The following ADCY8 variants were observed in gnomAD, a reference collection of about 807,000 sequenced individuals.
ADCY8 encodes adenylate cyclase 8.
ADCY8 carries 51 observed loss-of-function variants against 119.7 expected under a neutral mutation model. The observed-to-expected ratio is 0.43, with a 90% CI of 0.34 to 0.54. ADCY8 has a LOEUF of 0.54. ADCY8 is among the 20% of genes least tolerant of loss of function. The probability of loss-of-function intolerance (pLI) is 0.03; values close to 1 mark genes in which losing one functional copy is unlikely to be tolerated. For missense variants in ADCY8, 1,383 were observed against 1,598.8 expected (o/e 0.87, Z 2.30); for synonymous variants, 665 against 651.0 (o/e 1.02, Z -0.33).
intron 2 of ADCY8, among the ~76,000 whole-genome samples, chr8:130,974,430 A>G (rs1822011450): frequency 6.6e-6 from 1 of 152,216 alleles, no homozygotes; most frequent in East Asian, 1.9e-4. Context: ...TATTTTTTAA[A>G]TTGGAGTTTG....
At chr8:130,786,403 C>T (rs1815250033) in intron 15 of ADCY8, among the ~76,000 whole-genome samples, 1 of 152,152 alleles carries the variant, frequency 6.6e-6, no homozygotes, top group Non-Finnish European at 1.5e-5. Context: ...AATAATGCTT[C>T]CTGAACCCAG....
chr8:130,807,866 C>A (rs917750465), intron 14 of ADCY8, among the ~76,000 whole-genome samples: 5 of 146,230 alleles, frequency 3.4e-5, no homozygotes, highest in African/African-American at 1.2e-4. Flanking sequence ...CGCCTGTAGT[C>A]CCAGCTACTT....
At chr8:130,974,597 G>T (rs1822016483) in intron 2 of ADCY8, among the ~76,000 whole-genome samples, 2 of 152,136 alleles carry the variant, frequency 1.3e-5, no homozygotes, top group Admixed American at 1.3e-4. Flanking sequence ...ATGCCTTTGT[G>T]TACTAAATCA....
At chr8:130,834,045 A>C (rs1461714880) in intron 12 of ADCY8, among the ~76,000 whole-genome samples, 1 of 152,168 alleles carries the variant, frequency 6.6e-6, no homozygotes, top group African/African-American at 2.4e-5. Context: ...AGTAGATCTT[A>C]CGTGCTGTCA....
intron 1 of ADCY8, among the ~76,000 whole-genome samples, chr8:131,015,237 GA>G (rs898686476): frequency 7.9e-5 from 12 of 152,036 alleles, no homozygotes; most frequent in African/African-American, 2.9e-4. Context: ...AATAAACAAA[GA>G]AAAAATAACA....
At chr8:130,934,530 A>G (rs2130617979) in intron 5 of ADCY8, among the ~76,000 whole-genome samples, 2 of 152,318 alleles carry the variant, frequency 1.3e-5, no homozygotes, top group South Asian at 4.2e-4. Flanking sequence ...TTGACATGAG[A>G]TTTGGGTGGG....
At chr8:130,815,166 A>C (rs1816297791) in intron 13 of ADCY8, among the ~76,000 whole-genome samples, 1 of 152,246 alleles carries the variant, frequency 6.6e-6, no homozygotes, top group Non-Finnish European at 1.5e-5. Context: ...GCAGGTAGCC[A>C]GCCATCTGCA....
intron 5 of ADCY8, among the ~76,000 whole-genome samples, chr8:130,925,301 T>C (rs1820430422): frequency 6.6e-6 from 1 of 152,182 alleles, no homozygotes; most frequent in South Asian, 2.1e-4. Flanking sequence ...GGTAAAACAA[T>C]AGGTTTCTGT....
chr8:130,995,650 C>T (rs150181320), intron 1 of ADCY8, among the ~76,000 whole-genome samples: 5 of 152,084 alleles, frequency 3.3e-5, no homozygotes, highest in African/African-American at 1.2e-4. Flanking sequence ...TCCTCTTCTT[C>T]GAACACTACT....
chr8:130,856,551 G>T (rs755378852), intron 9 of ADCY8, among the ~76,000 whole-genome samples: 5 of 152,042 alleles, frequency 3.3e-5, no homozygotes, highest in African/African-American at 7.2e-5. Flanking sequence ...AGGTGCCTTC[G>T]GTCAGGACCC....
chr8:130,977,900 G>A (rs1292402713), intron 2 of ADCY8, among the ~76,000 whole-genome samples: 1 of 152,204 alleles, frequency 6.6e-6, no homozygotes, highest in African/African-American at 2.4e-5. Context: ...TGACTCTCGA[G>A]TCATAATCTT....
At chr8:130,852,560 C>T (rs959843362) in intron 9 of ADCY8, among the ~76,000 whole-genome samples, 10 of 152,216 alleles carry the variant, frequency 6.6e-5, no homozygotes, top group Non-Finnish European at 2.9e-5. Flanking sequence ...AGGAAACCAA[C>T]GAGTATAAAA....
chr8:131,032,526 C>G (rs1338533829), intron 1 of ADCY8, among the ~76,000 whole-genome samples: 2 of 152,030 alleles, frequency 1.3e-5, no homozygotes, highest in Non-Finnish European at 2.9e-5. Context: ...GTTCCTTTAT[C>G]GAGAAGGTAG....
At chr8:130,848,224 T>A (rs556491925) in intron 10 of ADCY8, among the ~76,000 whole-genome samples, 105 of 152,292 alleles carry the variant, frequency 6.9e-4, no homozygotes, top group Non-Finnish European at 1.1e-3. Flanking sequence ...CCTCTGATCT[T>A]CCTACCACAC....
intron 17 of ADCY8, among the ~76,000 whole-genome samples, chr8:130,783,165 G>A (rs873667): frequency 0.6 from 91,301 of 152,060 alleles, 28,117 homozygotes; most frequent in African/African-American, 0.69. Context: ...TTAATGTTAC[G>A]TTGTTGCTTT....
At chr8:131,003,684 A>C (rs2130766916) in intron 1 of ADCY8, among the ~76,000 whole-genome samples, 1 of 152,078 alleles carries the variant, frequency 6.6e-6, no homozygotes, top group African/African-American at 2.4e-5. Context: ...GAGGTTAAAT[A>C]ATAGAGCTAG....
Position 130,861,947 on chromosome 8 carries a change from T to C in ADCY8, c.2210+5899A>G, listed in dbSNP as rs138761108. Among the ~76,000 whole-genome samples, 27 of 152,308 alleles carry C rather than the reference T, an allele frequency of 1.8e-4. No individual in the cohort carries two copies. The East Asian group carries it at 5.2e-3, about 29-fold the overall frequency. On this transcript the variant is annotated intron_variant, in intron 9 of 17. Transcript: ENST00000286355. ...AATTGATAAGATCATATGATTTTCC[T>C]TCTTTAACTTACTAATATAGTTAAC...
At chr8:130,908,166 C>G (rs369414617) in intron 6 of ADCY8, among the ~76,000 whole-genome samples, 19 of 152,184 alleles carry the variant, frequency 1.2e-4, no homozygotes, top group African/African-American at 4.1e-4. Context: ...AGAACAATAG[C>G]TAAACTGGCT....
At chr8:130,959,513 C>A (rs558244189) in intron 2 of ADCY8, among the ~76,000 whole-genome samples, 19 of 152,196 alleles carry the variant, frequency 1.2e-4, no homozygotes, top group Non-Finnish European at 7.4e-5. Flanking sequence ...GGTGAACAGA[C>A]CAAGCAAGAC....
Sources: gnomAD v4.1 joint callset for allele counts (sites outside exome capture counted in the v4.1 genomes callset) on GRCh38, gnomAD v4.1.1 for gene constraint, MANE v1.5 for transcripts, NCBI Gene and HGNC (gene_info 2026-07-23, HGNC 2026-07-21) for gene names.